Variants in MGAT4D observed in about 807,000 individuals in gnomAD.
MGAT4D encodes the protein alpha-1,3-mannosyl-glycoprotein 4-beta-N-acetylglucosaminyltransferase-like protein MGAT4D.
A neutral mutation model predicts 15.9 loss-of-function variants in MGAT4D; 34 were observed. The ratio of observed to expected loss-of-function variants is 2.14; its 90% CI spans 1.62 to 2.84. MGAT4D has a LOEUF of 2.84. MGAT4D is among the 30% of genes most tolerant of loss of function. The pLI is 0.00. For synonymous variants in MGAT4D, 112 were observed against 48.2 expected (o/e 2.33, Z -5.49); for missense variants, 327 against 140.2 (o/e 2.33, Z -6.73).
intron 9 of MGAT4D, among the ~76,000 whole-genome samples, chr4:140,451,722 A>G (rs1333197108): frequency 6.6e-6 from 1 of 152,158 alleles, no homozygotes; most frequent in African/African-American, 2.4e-5. Flanking sequence ...TCATTACAAC[A>G]TGTATTTGCA....
rs10644682 is a variant in MGAT4D at position 140,461,880 on chromosome 4, T to TACACACAC, written c.762+41_762+48dup. 779 of 535,336 alleles carry TACACACAC rather than the reference T, an allele frequency of 1.5e-3. 2 individuals carry two copies. Among genetic ancestry groups the TACACACAC allele is most frequent in the African/African-American group, 0.01 (515 of 50,406 alleles). The allele number at this position is 535,336 out of a possible 1,614,324, so 33.2% of individuals were successfully genotyped here. A position where few individuals can be genotyped will look rare whatever the true frequency, so the allele number is the denominator to read the frequency against. Reference sequence around the variant, plus strand: ...TCTATCTACAGATATAATTGGTGTATACACACACACACACACACACACACA... The same window carrying TACACACAC: ...TCTATCTACAGATATAATTGGTGTATACACACACACACACACACACACACACACACACA... On this transcript the variant is annotated intron_variant, in intron 7 of 10. Transcript: ENST00000511113.
chr4:140,484,781 G>GC (rs1732988057), intron 1 of MGAT4D, among the ~76,000 whole-genome samples: 1 of 152,192 alleles, frequency 6.6e-6, no homozygotes, highest in Non-Finnish European at 1.5e-5. Flanking sequence ...CATTTATGCA[G>GC]CCAACAGACA....
intron 5 of MGAT4D, among the ~76,000 whole-genome samples, chr4:140,465,772 A>G (rs1396077634): frequency 6.6e-6 from 1 of 152,166 alleles, no homozygotes; most frequent in Non-Finnish European, 1.5e-5. Context: ...TTATATGCAT[A>G]ATCTCCATTA....
chr4:140,459,988 C>T (rs1203365993), intron 7 of MGAT4D, among the ~76,000 whole-genome samples: 2 of 151,922 alleles, frequency 1.3e-5, no homozygotes, highest in African/African-American at 4.8e-5. Flanking sequence ...CTGCCTTGGC[C>T]TCCCAACTCC....
chr4:140,493,653 T>C (rs1291042119), intron 1 of MGAT4D, among the ~76,000 whole-genome samples: 1 of 152,168 alleles, frequency 6.6e-6, no homozygotes, highest in African/African-American at 2.4e-5. Flanking sequence ...CTATATAAGA[T>C]GCTGTTTAGT....
chr4:140,447,956 C>G (rs1730237673), intron 10 of MGAT4D, among the ~76,000 whole-genome samples: 1 of 152,104 alleles, frequency 6.6e-6, no homozygotes, highest in Admixed American at 6.5e-5. Flanking sequence ...TCCTCCTTTG[C>G]TTAGGAAGCT....
chr4:140,455,578 T>A (rs1730742543), intron 9 of MGAT4D, among the ~76,000 whole-genome samples: 1 of 152,230 alleles, frequency 6.6e-6, no homozygotes, highest in Non-Finnish European at 1.5e-5. Flanking sequence ...TAAATCCAGT[T>A]GGCAGATGGT....
chr4:140,445,439 T>C (rs1361958978), intron 10 of MGAT4D, among the ~76,000 whole-genome samples: 2 of 152,164 alleles, frequency 1.3e-5, no homozygotes, highest in East Asian at 3.9e-4. Flanking sequence ...TTTTATCAAA[T>C]ACATAGTTTT....
At chr4:140,463,858 G>C (rs753394852) in intron 6 of MGAT4D, among the ~76,000 whole-genome samples, 6 of 152,120 alleles carry the variant, frequency 3.9e-5, no homozygotes, top group Non-Finnish European at 7.4e-5. Context: ...CTTTGGACTT[G>C]ATCTCATATG....
chr4:140,456,621 G>A lies in MGAT4D; in HGVS notation c.976C>T (p.Gln326Ter), dbSNP rs868780501. The change falls in exon 9 of 11, where the codon CAG becomes TAG. Residue 326 changes from glutamine to a stop codon, truncating the protein, a stop_gained. Coordinates refer to ENST00000511113, the MANE Select transcript of MGAT4D (RefSeq NM_001277353.2). LOFTEE classifies it high-confidence loss of function. ...TCTCCTGCGTCACACACCTTTACCT[G>A]AAAAATGTCATTCAAGAGCCAGTCT... Reference protein sequence around the residue: ...PIDWLLNDIFQVKVCDAGEDL... With the variant: ...PIDWLLNDIF The A allele has an allele frequency of 8.7e-6, 6 of 693,182 alleles. No homozygotes were observed. The highest frequency in any genetic ancestry group is 1.6e-5 in the Non-Finnish European group (6 of 380,418). The allele number at this position is 693,182 out of a possible 1,614,324, so 42.9% of individuals were successfully genotyped here.
intron 3 of MGAT4D, among the ~76,000 whole-genome samples, chr4:140,477,659 C>A (rs1732427025): frequency 6.6e-6 from 1 of 152,210 alleles, no homozygotes; most frequent in African/African-American, 2.4e-5. Flanking sequence ...AGAGGCATGG[C>A]AGAGACTGAG....
At chr4:140,466,441 T>C (rs1420889050) in intron 5 of MGAT4D, among the ~76,000 whole-genome samples, 1 of 151,904 alleles carries the variant, frequency 6.6e-6, no homozygotes, top group Non-Finnish European at 1.5e-5. Flanking sequence ...TAGAAAGGAG[T>C]ATAACAATTT....
At chr4:140,452,951 G>A (rs554695306) in intron 9 of MGAT4D, among the ~76,000 whole-genome samples, 6 of 152,070 alleles carry the variant, frequency 3.9e-5, no homozygotes, top group Non-Finnish European at 8.8e-5. Context: ...GGTTTAGGTC[G>A]CATTATGGTT....
intron 1 of MGAT4D, among the ~76,000 whole-genome samples, chr4:140,483,172 C>A (rs1241049): frequency 1 from 152,206 of 152,306 alleles, 76,053 homozygotes; most frequent in Non-Finnish European, 1. Context: ...AGATGTAGTG[C>A]TGATGCACAT....
Position 140,442,734 on chromosome 4 carries a change from T to G in MGAT4D, c.*702A>C, listed in dbSNP as rs913695629. The G allele has an allele frequency of 6.6e-6, 1 of 152,096 alleles. No homozygotes were observed. The highest frequency in any genetic ancestry group is 2.4e-5 in the African/African-American group (1 of 41,454). 9.4% of individuals were successfully genotyped at this position (152,096 alleles called of 1,614,324 possible). On this transcript the variant is annotated 3_prime_UTR_variant, in exon 11 of 11. Coordinates refer to ENST00000511113, the MANE Select transcript of MGAT4D (RefSeq NM_001277353.2). Reference sequence around the variant, plus strand: ...AGGATTCACAACAATTCTCAAAATTTTATCACACAGGTAAAGTTCTATAAC... The same window carrying G: ...AGGATTCACAACAATTCTCAAAATTGTATCACACAGGTAAAGTTCTATAAC...
intron 1 of MGAT4D, among the ~76,000 whole-genome samples, chr4:140,497,854 C>T (rs907630238): frequency 1.3e-5 from 2 of 152,318 alleles, no homozygotes; most frequent in Middle Eastern, 3.4e-3. Flanking sequence ...GAAAAGGGAG[C>T]GGCGGGTACC....
intron 10 of MGAT4D, 125 bp downstream of exon 10, chr4:140,451,285 A>C (rs912157045): frequency 3.5e-5 from 14 of 395,276 alleles, no homozygotes; most frequent in Middle Eastern, 6.5e-4. Context: ...CAGTACTGTC[A>C]TAAGATGAAT....
At chr4:140,477,865 T>A (rs571268725) in intron 3 of MGAT4D, among the ~76,000 whole-genome samples, 1 of 152,268 alleles carries the variant, frequency 6.6e-6, no homozygotes, top group South Asian at 2.1e-4. Flanking sequence ...AAATTACAAA[T>A]ATGTTTCCAT....
At position 140,489,544 on chromosome 4, in the gene MGAT4D, T is replaced by C. The variant is rs528688043; in HGVS notation, c.95-7059A>G. Among the ~76,000 whole-genome samples, 4 of 152,314 alleles carry C rather than the reference T, an allele frequency of 2.6e-5. No individual in the cohort carries two copies. In the East Asian group the frequency reaches 7.7e-4, roughly 29 times the overall value. On this transcript the variant is annotated intron_variant, in intron 1 of 10. Coordinates refer to ENST00000511113, the MANE Select transcript of MGAT4D (RefSeq NM_001277353.2). The stretch of plus-strand genomic sequence containing the variant: ...AGCAGAATCCTGAATTTTGTATTAA[T>C]CATTTATTGCTTTCCTTTACAGTTT...
Sources: gnomAD v4.1 joint callset for allele counts (sites outside exome capture counted in the v4.1 genomes callset) on GRCh38, gnomAD v4.1.1 for gene constraint, MANE v1.5 for transcripts, NCBI Gene and HGNC (gene_info 2026-07-23, HGNC 2026-07-21) for gene names.